NTRK3: variants seen among roughly 807,000 people sequenced by gnomAD.
NTRK3 encodes NT-3 growth factor receptor.
In NTRK3, 24 loss-of-function variants were observed where a neutral mutation model predicts 91.7. The observed-to-expected ratio is 0.26, with a 90% CI of 0.19 to 0.37. The LOEUF (loss-of-function observed/expected upper bound fraction) is 0.37, where lower values mean the gene tolerates loss of function less well. NTRK3 is among the 10% of genes least tolerant of loss of function. NTRK3 has a pLI of 1.00. For synonymous variants in NTRK3, 483 were observed against 404.0 expected (o/e 1.20, Z -2.34); for missense variants, 880 against 1,068.9 (o/e 0.82, Z 2.46).
intron 14 of NTRK3, among the ~76,000 whole-genome samples, chr15:87,960,509 G>A (rs1479562775): frequency 6.6e-6 from 1 of 150,516 alleles, no homozygotes; most frequent in African/African-American, 2.4e-5. Flanking sequence ...TTTTGAGGCA[G>A]AGTTTCGCTC....
At chr15:87,945,803 GAA>G (rs34162356) in intron 14 of NTRK3, among the ~76,000 whole-genome samples, 18,291 of 106,828 alleles carry the variant, frequency 0.17, 2,861 homozygotes, top group African/African-American at 0.41. Flanking sequence ...TGAAGACTGG[GAA>G]AAAAAAAAAA....
intron 17 of NTRK3, among the ~76,000 whole-genome samples, chr15:87,918,878 G>A (rs913655594): frequency 6.6e-6 from 1 of 152,164 alleles, no homozygotes; most frequent in African/African-American, 2.4e-5. Flanking sequence ...AGAGGGAAGT[G>A]TTAACTAGAG....
intron 13 of NTRK3, among the ~76,000 whole-genome samples, chr15:88,101,202 C>T (rs900304499): frequency 2.1e-4 from 32 of 152,070 alleles, no homozygotes; most frequent in Non-Finnish European, 2.8e-4. Flanking sequence ...AAAAAGTGGG[C>T]GAAGGATATG....
At chr15:88,009,025 C>T (rs2076685589) in intron 14 of NTRK3, among the ~76,000 whole-genome samples, 1 of 152,146 alleles carries the variant, frequency 6.6e-6, no homozygotes, top group Admixed American at 6.5e-5. Context: ...TTCTTTCTGC[C>T]TCCAGGGGAC....
At chr15:87,867,391 A>G in exon 19 of NTRK3, 1 of 229,408 alleles carries the variant, frequency 4.4e-6, no homozygotes. Flanking sequence ...CAGCTTCCAA[A>G]GGAGGGTCAC....
At chr15:88,169,718 C>A (rs1000149164) in intron 5 of NTRK3, among the ~76,000 whole-genome samples, 13 of 152,184 alleles carry the variant, frequency 8.5e-5, no homozygotes, top group Non-Finnish European at 1.8e-4. Flanking sequence ...TCCCACAGGC[C>A]TAGGCCCTGC....
chr15:87,863,984 C>CAT, exon 19 of NTRK3: 1 of 208,336 alleles, frequency 4.8e-6, no homozygotes, highest in East Asian at 6.5e-5. Flanking sequence ...TACACACACA[C>CAT]ACACACACAT....
Position 87,939,538 on chromosome 15 carries a change from C to G in NTRK3, c.1716+1085G>C, listed in dbSNP as rs544501594. 5.9e-5 allele frequency among the ~76,000 whole-genome samples: 9 copies of G among 152,314 alleles called. No homozygotes were observed. In the South Asian group the frequency reaches 6.2e-4, roughly 11 times the overall value. ...TTTGCCCTCTGTGGACAGAAACAAT[C>G]TGTAGATACACAAGACTATGAATAC... On this transcript the variant is annotated intron_variant, in intron 15 of 18. Transcript: ENST00000394480.
chr15:88,253,724 C>A (rs1026168571), intron 3 of NTRK3, among the ~76,000 whole-genome samples: 3 of 152,158 alleles, frequency 2.0e-5, no homozygotes, highest in African/African-American at 7.2e-5. Context: ...TCCTGATGGC[C>A]TCTCAGAATC....
At chr15:87,877,667 T>C (rs2065013935) in intron 18 of NTRK3, among the ~76,000 whole-genome samples, 1 of 152,074 alleles carries the variant, frequency 6.6e-6, no homozygotes. Context: ...ATAGGACCCT[T>C]TTGCAGCAAG....
chr15:88,120,549 C>G (rs958993750), intron 13 of NTRK3, among the ~76,000 whole-genome samples: 1 of 152,168 alleles, frequency 6.6e-6, no homozygotes, highest in African/African-American at 2.4e-5. Flanking sequence ...TTCCCACTTC[C>G]GCTGTCCTGC....
chr15:88,154,068 AAG>A (rs1243988134), intron 5 of NTRK3, among the ~76,000 whole-genome samples: 1 of 150,948 alleles, frequency 6.6e-6, no homozygotes, highest in African/African-American at 2.4e-5. Context: ...TCTGCAAGAA[AAG>A]AGAATTCCCT....
chr15:88,005,990 T>C (rs905949898), intron 14 of NTRK3, among the ~76,000 whole-genome samples: 4 of 152,214 alleles, frequency 2.6e-5, no homozygotes, highest in African/African-American at 9.7e-5. Context: ...AGGAGGCAGA[T>C]GGTATTTACA....
At chr15:88,135,809 C>T (rs2041821160) in intron 9 of NTRK3, 90 bp downstream of exon 9, 1 of 1,536,290 alleles carries the variant, frequency 6.5e-7, no homozygotes, top group Middle Eastern at 2.0e-4. Flanking sequence ...ACTGCTCTAG[C>T]TCACCCCTGA....
chr15:88,027,576 G>T (rs936523809), intron 14 of NTRK3, among the ~76,000 whole-genome samples: 1 of 152,120 alleles, frequency 6.6e-6, no homozygotes, highest in African/African-American at 2.4e-5. Context: ...TAGAGACGGG[G>T]TTTCACCGTG....
intron 18 of NTRK3, among the ~76,000 whole-genome samples, 167 bp downstream of exon 19, chr15:87,880,103 C>G (rs544963554): frequency 3.0e-4 from 46 of 151,624 alleles, no homozygotes; most frequent in Non-Finnish European, 5.0e-4. Context: ...TCCTACAGTT[C>G]CATTTTTTTT....
In NTRK3 at chr15:87,939,885, G is replaced by C. The variant is rs115468635; in HGVS notation, c.1716+738C>G. 5.8e-3 allele frequency among the ~76,000 whole-genome samples: 880 copies of C among 152,324 alleles called. 9 individuals carry two copies. Among genetic ancestry groups the C allele is most frequent in the African/African-American group, 0.02 (849 of 41,568 alleles). On this transcript the variant is annotated intron_variant, in intron 15 of 18. Coordinates refer to ENST00000394480, the Ensembl canonical transcript of NTRK3. ...AAGAGAAGCTGTTGACTGCTGGGTG[G>C]AAGAGTCTGGAAGGACAACTAGTAG...
chr15:88,163,244 T>C (rs899499379), intron 5 of NTRK3, among the ~76,000 whole-genome samples: 1 of 152,214 alleles, frequency 6.6e-6, no homozygotes, highest in African/African-American at 2.4e-5. Flanking sequence ...CTCATTTGTC[T>C]TAGTCACAAC....
At chr15:88,121,976 G>A (rs1019715982) in intron 13 of NTRK3, among the ~76,000 whole-genome samples, 1 of 152,192 alleles carries the variant, frequency 6.6e-6, no homozygotes, top group African/African-American at 2.4e-5. Flanking sequence ...CTGAGACAAA[G>A]CATGTTCGGT....
Sources: allele counts gnomAD v4.1 joint callset (sites outside exome capture counted in the v4.1 genomes callset), GRCh38; gene constraint gnomAD v4.1.1; transcripts MANE v1.5; gene names NCBI Gene and HGNC (gene_info 2026-07-23, HGNC 2026-07-21).